Variants in BPIFB4 observed in about 807,000 individuals in gnomAD.
BPIFB4 encodes the protein BPI fold containing family B member 4, also known as BPI fold-containing family B member 4.
BPIFB4 carries 62 observed loss-of-function variants against 69.2 expected under a neutral mutation model. The ratio of observed to expected loss-of-function variants is 0.90; its 90% CI spans 0.73 to 1.11. BPIFB4 has a LOEUF of 1.11. Among genes scored for constraint, BPIFB4 ranks in the 50% least tolerant of loss-of-function variants. The pLI is 0.00. For synonymous variants in BPIFB4, 330 were observed against 332.7 expected (o/e 0.99, Z 0.09); for missense variants, 789 against 792.0 (o/e 1.00, Z 0.04).
At position 33,106,376 on chromosome 20, in the gene BPIFB4, C is replaced by CTT. The variant is rs71190890; in HGVS notation, c.1745-1355_1745-1354dup. ...TGCTGGGGACACAGCTCTTTTCTTT[C>CTT]TTTTTTTTTTTTTTGAGATGGAGTC... is the stretch of plus-strand genomic sequence containing the variant. On this transcript the variant is annotated intron_variant, in intron 16 of 17. Coordinates refer to ENST00000375483, the MANE Select transcript of BPIFB4 (RefSeq NM_182519.3). Among the ~76,000 whole-genome samples, 6 of 133,044 alleles carry CTT rather than the reference C, an allele frequency of 4.5e-5. 1 individual carries two copies. Among genetic ancestry groups the CTT allele is most frequent in the Non-Finnish European group, 6.3e-5 (4 of 63,136 alleles). The allele number at this position is 133,044 out of a possible 152,430, so 87.3% of individuals were successfully genotyped here. A position where few individuals can be genotyped will look rare whatever the true frequency, so the allele number is the denominator to read the frequency against.
intron 15 of BPIFB4, among the ~76,000 whole-genome samples, chr20:33,103,283 G>A (rs1285621920): frequency 6.6e-6 from 1 of 152,160 alleles, no homozygotes; most frequent in Non-Finnish European, 1.5e-5. Flanking sequence ...CCCCATGGGG[G>A]GCCACTTGGC....
At chr20:33,081,694 C>A in intron 3 of BPIFB4, 62 bp downstream of exon 3, 1 of 1,536,896 alleles carries the variant, frequency 6.5e-7, no homozygotes, top group East Asian at 2.5e-5. Context: ...TCTGCCAACT[C>A]TGAAGTACCC....
chr20:33,107,257 G>GAAGAGAA (rs765261261), intron 16 of BPIFB4, among the ~76,000 whole-genome samples: 32,530 of 142,694 alleles, frequency 0.23, 3,843 homozygotes, highest in Non-Finnish European at 0.29. Context: ...GAAAAGAAAA[G>GAAGAGAA]AAGAGAAAAG....
At chr20:33,107,957 C>A in intron 17 of BPIFB4, 137 bp downstream of exon 17, 1 of 729,094 alleles carries the variant, frequency 1.4e-6, no homozygotes, top group Non-Finnish European at 2.4e-6. Flanking sequence ...CTCTTCCTTC[C>A]AAGCATGGGG....
At chr20:33,103,125 T>C (rs1981952893) in intron 15 of BPIFB4, 111 bp downstream of exon 15, 6 of 1,229,462 alleles carry the variant, frequency 4.9e-6, no homozygotes, top group South Asian at 1.2e-5. Flanking sequence ...AGTTTGTGAA[T>C]TCCAAAGTGC....
rs1600558959 is a variant in BPIFB4 at position 33,095,162 on chromosome 20, G to A, written c.1398+9G>A. The A allele has an allele frequency of 6.2e-7, 1 of 1,601,112 alleles. No homozygotes were observed. Among genetic ancestry groups the A allele is most frequent in the East Asian group, 2.2e-5 (1 of 44,816 alleles). On this transcript the variant is annotated intron_variant, in intron 12 of 17. Transcript: ENST00000375483. ...GAGCCCTGATCCCCAAGGTATGTAA[G>A]GTGGGCAGGTCCCATTGCCTTCAGC...
At chr20:33,089,426 C>T (rs924135141) in intron 8 of BPIFB4, 72 bp from the exon 9 acceptor site, 3 of 1,608,144 alleles carry the variant, frequency 1.9e-6, no homozygotes, top group Non-Finnish European at 1.7e-6. Flanking sequence ...TATCGTTACT[C>T]TTGCGTCCCC....
rs141379133 is a variant in BPIFB4 at position 33,107,831 on chromosome 20, A to G, written c.1821+11A>G. On this transcript the variant is annotated intron_variant, in intron 17 of 17. Coordinates refer to ENST00000375483, the MANE Select transcript of BPIFB4 (RefSeq NM_182519.3). ...ATTGACGTGTTGGAGGTAAGAGGAG[A>G]TCGAGCTCCATTCTGCTTTTCCTCC... 1 of 1,611,400 alleles carries G rather than the reference A, an allele frequency of 6.2e-7. No individual in the cohort carries two copies. Among genetic ancestry groups the G allele is most frequent in the East Asian group, 2.2e-5 (1 of 44,846 alleles).
intron 15 of BPIFB4, among the ~76,000 whole-genome samples, chr20:33,104,181 T>G (rs1981980116): frequency 6.6e-6 from 1 of 152,146 alleles, no homozygotes; most frequent in African/African-American, 2.4e-5. Flanking sequence ...TATGTCTGAT[T>G]TTTATAACCA....
intron 17 of BPIFB4, among the ~76,000 whole-genome samples, chr20:33,108,164 C>G (rs1795157446): frequency 6.6e-6 from 1 of 152,100 alleles, no homozygotes; most frequent in Admixed American, 6.5e-5. Flanking sequence ...CTACTGTGTG[C>G]CAGGCACTAT....
At chr20:33,092,848 T>A (rs753723875) in intron 11 of BPIFB4, among the ~76,000 whole-genome samples, 190 bp downstream of exon 11, 9 of 152,182 alleles carry the variant, frequency 5.9e-5, no homozygotes, top group Non-Finnish European at 1.0e-4. Flanking sequence ...CTTGGGAGGA[T>A]TTCAGGTGGT....
chr20:33,084,446 G>A (rs944015815), intron 5 of BPIFB4, among the ~76,000 whole-genome samples: 9 of 152,200 alleles, frequency 5.9e-5, no homozygotes, highest in African/African-American at 2.2e-4. Flanking sequence ...GAAGTTCATG[G>A]AGAAGTAAGA....
chr20:33,101,469 C>G, intron 14 of BPIFB4, among the ~76,000 whole-genome samples: 1 of 152,216 alleles, frequency 6.6e-6, no homozygotes, highest in Non-Finnish European at 1.5e-5. Flanking sequence ...TCGTAAGATT[C>G]ATAAAAAGAA....
chr20:33,102,405 G>A (rs1043139413), intron 14 of BPIFB4, among the ~76,000 whole-genome samples: 5 of 152,204 alleles, frequency 3.3e-5, no homozygotes, highest in African/African-American at 1.2e-4. Context: ...GCAGCAAGAC[G>A]GAGGCCCTTA....
rs558268816 is a variant in BPIFB4, at chr20:33,086,234, C to T, written c.926+70C>T. On this transcript the variant is annotated intron_variant, in intron 7 of 17. Transcript: ENST00000375483. Reference sequence around the variant, plus strand: ...GGTCTGTCTTTGGCAAACAACATGACGTCACCCACCTGCCCATAGGCTCTG... The same window carrying T: ...GGTCTGTCTTTGGCAAACAACATGATGTCACCCACCTGCCCATAGGCTCTG... 28 of 1,545,002 alleles carry T rather than the reference C, an allele frequency of 1.8e-5. No individual in the cohort carries two copies. The East Asian group carries it at 2.1e-4, about 11-fold the overall frequency.
intron 12 of BPIFB4, among the ~76,000 whole-genome samples, chr20:33,095,529 G>A (rs762796402): frequency 2.0e-5 from 3 of 152,192 alleles, no homozygotes; most frequent in Non-Finnish European, 4.4e-5. Context: ...GAAGGTAAAT[G>A]AGATGATGCA....
intron 5 of BPIFB4, 31 bp downstream of exon 5, chr20:33,083,905 C>A: frequency 6.4e-7 from 1 of 1,559,872 alleles, no homozygotes; most frequent in Non-Finnish European, 8.6e-7. Flanking sequence ...CCCCAGAAAG[C>A]CCCCATACAC....
chr20:33,082,914 A>G (rs763463217), intron 3 of BPIFB4, 24 bp from the exon 4 acceptor site: 1 of 1,604,088 alleles, frequency 6.2e-7, no homozygotes, highest in East Asian at 2.2e-5. Flanking sequence ...GGAACCCTGG[A>G]CTGATGCCCT....
intron 7 of BPIFB4, among the ~76,000 whole-genome samples, chr20:33,088,273 C>T (rs73264114): frequency 0.018 from 2,649 of 149,636 alleles, 78 homozygotes; most frequent in African/African-American, 0.062. Flanking sequence ...CCCGGGAGTT[C>T]AAGGCTGCAG....
Sources: allele counts gnomAD v4.1 joint callset (sites outside exome capture counted in the v4.1 genomes callset), GRCh38; gene constraint gnomAD v4.1.1; transcripts MANE v1.5; gene names NCBI Gene and HGNC (gene_info 2026-07-23, HGNC 2026-07-21).